Variants in ZDHHC21 observed in about 807,000 individuals in gnomAD.
ZDHHC21 encodes zDHHC palmitoyltransferase 21.
A neutral mutation model predicts 34.6 loss-of-function variants in ZDHHC21; 15 were observed. The observed-to-expected ratio is 0.43, with a 90% CI of 0.29 to 0.67. The LOEUF (loss-of-function observed/expected upper bound fraction) is 0.67, where lower values mean the gene tolerates loss of function less well. ZDHHC21 is among the 30% of genes least tolerant of loss of function. The pLI is 0.14. For missense variants in ZDHHC21, 344 were observed against 327.7 expected, an observed-to-expected ratio of 1.05 and a Z score of -0.38; for synonymous variants, 142 against 101.8, an observed-to-expected ratio of 1.40 and a Z score of -2.38.
chr9:14,642,590 C>T (rs948758775), intron 7 of ZDHHC21, among the ~76,000 whole-genome samples: 1 of 152,152 alleles, frequency 6.6e-6, no homozygotes, highest in African/African-American at 2.4e-5. Context: ...TCCAATCCAA[C>T]TGGTTCCCTT....
In ZDHHC21 at chr9:14,650,684, G is replaced by C. The variant is rs141376250; in HGVS notation, c.504+8065C>G. On this transcript the variant is annotated intron_variant, in intron 7 of 9. Coordinates refer to ENST00000380916, the MANE Select transcript of ZDHHC21 (RefSeq NM_178566.6). Reference sequence around the variant, plus strand: ...ATTTCTTTTTTTTGTTAGCCAAAAGGCTAGGCAAATAATTCTGTAGGAACA... The same window carrying C: ...ATTTCTTTTTTTTGTTAGCCAAAAGCCTAGGCAAATAATTCTGTAGGAACA... 4.2e-3 allele frequency among the ~76,000 whole-genome samples: 644 copies of C among 151,984 alleles called. 7 individuals carry two copies. The highest frequency in any genetic ancestry group is 0.015 in the African/African-American group (608 of 41,496).
In ZDHHC21 at chr9:14,613,172, C is replaced by G. The variant is rs1477677654; in HGVS notation, c.*5794G>C. ...AATCCAAATGAGAAACATTTAAAAT[C>G]CATTAAATTGCCAGAGCAGCATGCA... On this transcript the variant is annotated 3_prime_UTR_variant, in exon 10 of 10. Transcript: ENST00000380916. The G allele has an allele frequency of 6.6e-6, 1 of 151,808 alleles. No individual in the cohort carries two copies. Among genetic ancestry groups the G allele is most frequent in the Non-Finnish European group, 1.5e-5 (1 of 67,852 alleles). 9.4% of individuals were successfully genotyped at this position (151,808 alleles called of 1,614,324 possible). A position where few individuals can be genotyped will look rare whatever the true frequency, so the allele number is the denominator to read the frequency against.
At chr9:14,641,675 T>C (rs1829405146) in intron 7 of ZDHHC21, among the ~76,000 whole-genome samples, 1 of 152,156 alleles carries the variant, frequency 6.6e-6, no homozygotes, top group Non-Finnish European at 1.5e-5. Context: ...TTCCCTCCAA[T>C]TTCACAGACC....
At position 14,686,225 on chromosome 9, in the gene ZDHHC21, A is replaced by G. The variant is rs376919665; in HGVS notation, c.-176+4112T>C. Among the ~76,000 whole-genome samples the G allele has an allele frequency of 3.9e-5, 6 of 152,228 alleles. No homozygotes were observed. The East Asian group carries it at 1.2e-3, about 29-fold the overall frequency. ...TAATTTAAAAAAAAGAAAATAAATA[A>G]AAAAAGAAAGAAGAAATTAAAAAAA... On this transcript the variant is annotated intron_variant, in intron 2 of 9. Transcript: ENST00000380916.
Position 14,658,765 on chromosome 9 carries a change from A to G in ZDHHC21, c.488T>C (p.Leu163Pro), listed in dbSNP as rs965920214. Reference sequence around the variant, plus strand: ...ATTTCTTACCAAATTACGCTTTTTTAGTGGAAGAAAATAGTAATAGTGGCA... The same window carrying G: ...ATTTCTTACCAAATTACGCTTTTTTGGTGGAAGAAAATAGTAATAGTGGCA... Reference protein sequence around the residue: ...SFCHYYYFLPLKKRNLDLFVF... With the variant: ...SFCHYYYFLPPKKRNLDLFVF... Residue 163 changes from leucine to proline, a missense_variant, in exon 7 of 10, where the codon CTA becomes CCA. Coordinates refer to ENST00000380916, the MANE Select transcript of ZDHHC21 (RefSeq NM_178566.6). 5.0e-6 allele frequency: 8 copies of G among 1,613,434 alleles called. No homozygotes were observed. The highest frequency in any genetic ancestry group is 5.9e-6 in the Non-Finnish European group (7 of 1,179,826).
intron 7 of ZDHHC21, among the ~76,000 whole-genome samples, chr9:14,640,612 GA>G (rs2133714152): frequency 6.6e-6 from 1 of 152,178 alleles, no homozygotes; most frequent in Admixed American, 6.5e-5. Context: ...TTACGTAACA[GA>G]AATGTATAAA....
chr9:14,663,136 G>A lies in ZDHHC21; in HGVS notation c.254-810C>T, dbSNP rs192482243. Among the ~76,000 whole-genome samples the A allele has an allele frequency of 4.4e-3, 663 of 152,230 alleles. 5 individuals carry two copies. Among genetic ancestry groups the A allele is most frequent in the African/African-American group, 0.015 (637 of 41,536 alleles). On this transcript the variant is annotated intron_variant, in intron 5 of 9. Transcript: ENST00000380916. Reference sequence around the variant, plus strand: ...ATTAAAAACTGTCCTAATTAGGTCCGCGAAAACTATGGAAGAGTCATCTTC... The same window carrying A: ...ATTAAAAACTGTCCTAATTAGGTCCACGAAAACTATGGAAGAGTCATCTTC...
At chr9:14,658,203 CG>C (rs1832640164) in intron 7 of ZDHHC21, among the ~76,000 whole-genome samples, 2 of 152,068 alleles carry the variant, frequency 1.3e-5, no homozygotes, top group African/African-American at 4.8e-5. Flanking sequence ...CCAAGACACA[CG>C]TATTGAAAGA....
chr9:14,673,053 T>A, intron 4 of ZDHHC21, 125 bp from the exon 5 acceptor site: 1 of 531,534 alleles, frequency 1.9e-6, no homozygotes, highest in Non-Finnish European at 3.1e-6. Flanking sequence ...TTCAAAAGAT[T>A]AAAAAATAAA....
In ZDHHC21 at chr9:14,619,651, C is replaced by T; in HGVS notation, c.653G>A (p.Cys218Tyr). Residue 218 changes from cysteine (C) to tyrosine (Y), a missense_variant, in exon 9 of 10, where the codon TGT (cysteine) becomes TAT (tyrosine). Transcript: ENST00000380916. ...GTTTTATACTTACATATCTTCACAA[C>T]AGTTTGACATCTTTTCAATAGATGT... ...DTTSIEKMSN[C>Y]CEDISRPRKP... 1 of 1,414,098 alleles carries T rather than the reference C, an allele frequency of 7.1e-7. No individual in the cohort carries two copies. Among genetic ancestry groups the T allele is most frequent in the Non-Finnish European group, 9.7e-7 (1 of 1,029,402 alleles). 87.6% of individuals were successfully genotyped at this position (1,414,098 alleles called of 1,614,324 possible).
At chr9:14,591,135 G>C in the ZDHHC21 span, among the ~76,000 whole-genome samples, 1 of 152,024 alleles carries the variant, frequency 6.6e-6, no homozygotes, top group Admixed American at 6.6e-5. Flanking sequence ...GAATAAAATG[G>C]GGTAAAGGAA....
the ZDHHC21 span, chr9:14,589,643 A>C: frequency 2.0e-5 from 3 of 152,214 alleles, no homozygotes; most frequent in Non-Finnish European, 4.4e-5. Context: ...AATTACTGCG[A>C]AATTGGGAGC....
chr9:14,641,605 G>A (rs1161437628), intron 7 of ZDHHC21, among the ~76,000 whole-genome samples: 1 of 151,922 alleles, frequency 6.6e-6, no homozygotes, highest in African/African-American at 2.4e-5. Flanking sequence ...ACATCTACCA[G>A]CCACCTCAGT....
chr9:14,607,212 C>T (rs192894703), downstream of ZDHHC21, among the ~76,000 whole-genome samples: 263 of 151,870 alleles, frequency 1.7e-3, 2 homozygotes, highest in African/African-American at 6.0e-3. Context: ...GTTTGTGAGG[C>T]CAAGGCGGGC....
chr9:14,643,031 G>C (rs769016426), intron 7 of ZDHHC21, among the ~76,000 whole-genome samples: 2 of 152,140 alleles, frequency 1.3e-5, no homozygotes, highest in Non-Finnish European at 2.9e-5. Flanking sequence ...CTGAGGTCAG[G>C]AGTTCGAGAC....
Position 14,654,612 on chromosome 9 carries a change from C to A in ZDHHC21, c.504+4137G>T, listed in dbSNP as rs547528373. Reference sequence around the variant, plus strand: ...CAGACATTAAAAACTGTGATTAACACGTTTAAAAAAATAGATGACAAAATA... The same window carrying A: ...CAGACATTAAAAACTGTGATTAACAAGTTTAAAAAAATAGATGACAAAATA... On this transcript the variant is annotated intron_variant, in intron 7 of 9. Coordinates refer to ENST00000380916, the MANE Select transcript of ZDHHC21 (RefSeq NM_178566.6). Among the ~76,000 whole-genome samples, 20 of 151,760 alleles carry A rather than the reference C, an allele frequency of 1.3e-4. 1 individual carries two copies. The South Asian group carries it at 4.2e-3, about 31-fold the overall frequency.
intron 8 of ZDHHC21, among the ~76,000 whole-genome samples, chr9:14,621,143 A>T (rs1184962087): frequency 6.6e-6 from 1 of 152,106 alleles, no homozygotes; most frequent in African/African-American, 2.4e-5. Context: ...CAACTTACAC[A>T]AAAGTACGAA....
intron 5 of ZDHHC21, among the ~76,000 whole-genome samples, chr9:14,663,670 C>T (rs1159052795): frequency 1.3e-5 from 2 of 151,886 alleles, no homozygotes; most frequent in Admixed American, 6.6e-5. Context: ...CTACAGACAT[C>T]TCTGAAGAAA....
chr9:14,612,500 C>A lies in ZDHHC21; in HGVS notation c.*6466G>T, dbSNP rs553262296. 1.3e-5 allele frequency: 2 copies of A among 152,048 alleles called. No individual in the cohort carries two copies. The highest frequency in any genetic ancestry group is 4.1e-4 in the South Asian group (2 of 4,822). 9.4% of individuals were successfully genotyped at this position (152,048 alleles called of 1,614,324 possible). On this transcript the variant is annotated 3_prime_UTR_variant, in exon 10 of 10. Coordinates refer to ENST00000380916, the MANE Select transcript of ZDHHC21 (RefSeq NM_178566.6). Reference sequence around the variant, plus strand: ...TCAAAGGTGTTTTAAATTACGAGTACACTTAAAGGGTGTTTCTCTTCATTT... The same window carrying A: ...TCAAAGGTGTTTTAAATTACGAGTAAACTTAAAGGGTGTTTCTCTTCATTT...
Sources: gnomAD v4.1 joint callset for allele counts (sites outside exome capture counted in the v4.1 genomes callset) on GRCh38, gnomAD v4.1.1 for gene constraint, MANE v1.5 for transcripts, NCBI Gene and HGNC (gene_info 2026-07-23, HGNC 2026-07-21) for gene names.